Variants in HDGFL3 observed in about 807,000 individuals in gnomAD.
HDGFL3 encodes HDGF like 3, also known as hepatoma-derived growth factor-related protein 3.
HDGFL3 carries 6 observed loss-of-function variants against 27.6 expected under a neutral mutation model. That is an observed-to-expected ratio of 0.22 (90% confidence interval 0.12 to 0.43). HDGFL3 has a LOEUF of 0.43. HDGFL3 is among the 20% of genes least tolerant of loss of function. The probability of loss-of-function intolerance (pLI) is 1.00; values close to 1 mark genes in which losing one functional copy is unlikely to be tolerated. For synonymous variants in HDGFL3, 88 were observed against 88.9 expected, an observed-to-expected ratio of 0.99 and a Z score of 0.05; for missense variants, 207 against 250.1, an observed-to-expected ratio of 0.83 and a Z score of 1.16.
chr15:83,157,033 T>C (rs188203733), intron 4 of HDGFL3, among the ~76,000 whole-genome samples: 7 of 152,200 alleles, frequency 4.6e-5, no homozygotes, highest in Admixed American at 6.5e-5. Flanking sequence ...TTAAGTTACA[T>C]GTGATGCATT....
At chr15:83,112,961 A>G (rs1458221398) in exon 4 of HDGFL3, 5 of 1,332,662 alleles carry the variant, frequency 3.8e-6, no homozygotes, top group Non-Finnish European at 5.4e-6. Context: ...TTTCAGCCTC[A>G]GTCACATATT....
intron 1 of HDGFL3, among the ~76,000 whole-genome samples, chr15:83,170,914 G>C (rs1245130781): frequency 1.3e-5 from 2 of 149,218 alleles, no homozygotes; most frequent in African/African-American, 4.9e-5. Context: ...TTAAAAAATG[G>C]GCAAAATATA....
Position 83,151,350 on chromosome 15 carries a change from T to C in HDGFL3, c.471A>G (p.Lys157=). The C allele has an allele frequency of 6.2e-7, 1 of 1,608,770 alleles. No homozygotes were observed. The highest frequency in any genetic ancestry group is 8.5e-7 in the Non-Finnish European group (1 of 1,178,400). Residue 157 remains lysine (K), a synonymous_variant, in exon 5 of 6, where the codon AAA becomes AAG. Coordinates refer to ENST00000299633, the MANE Select transcript of HDGFL3 (RefSeq NM_016073.4). The stretch of plus-strand genomic sequence containing the variant: ...CATCTCCTGGAGATTTCCGGGACTG[T>C]TTAGAGGATTTCTAAATGTTTAGAC... ...KKSYTSKKSS[K]QSRKSPGDED...
At chr15:83,116,853 C>G (rs917172410) in intron 3 of HDGFL3, among the ~76,000 whole-genome samples, 6 of 152,152 alleles carry the variant, frequency 3.9e-5, no homozygotes, top group Non-Finnish European at 8.8e-5. Context: ...TGTCCTGATT[C>G]CTGCTTTGGA....
At position 83,128,361 on chromosome 15, in the gene HDGFL3, T is replaced by C. The variant is rs2035952544; in HGVS notation, c.*10909A>G. The C allele has an allele frequency of 6.6e-6, 1 of 152,210 alleles. No individual in the cohort carries two copies. Among genetic ancestry groups the C allele is most frequent in the South Asian group, 2.1e-4 (1 of 4,834 alleles). 9.4% of individuals were successfully genotyped at this position (152,210 alleles called of 1,614,324 possible). On this transcript the variant is annotated 3_prime_UTR_variant, in exon 6 of 6. Transcript: ENST00000299633. ...GTAATTCTTAATTATAAAATTAGCA[T>C]AGTAGTATCGAAAAAGTTGATGTAG...
chr15:83,178,013 G>A (rs2037334088), intron 1 of HDGFL3, among the ~76,000 whole-genome samples: 2 of 152,248 alleles, frequency 1.3e-5, no homozygotes, highest in East Asian at 1.9e-4. Flanking sequence ...TCAAGTATCT[G>A]GGTTTCTTTC....
At chr15:83,126,970 A>C (rs2035815113), downstream of HDGFL3, 1 of 716,384 alleles carries the variant, frequency 1.4e-6, no homozygotes, top group Non-Finnish European at 2.3e-6. Flanking sequence ...AGGCAGGTTG[A>C]TCACGAGGTC....
At position 83,132,452 on chromosome 15, in the gene HDGFL3, C is replaced by CT. The variant is rs541195581; in HGVS notation, c.*6817dup. ...CAGTCAGGTGCTGCCCTCAGACTCT[C>CT]TAACTCCCTGGCTATGTAGGTGCTA... On this transcript the variant is annotated 3_prime_UTR_variant, in exon 6 of 6. Transcript: ENST00000299633. 6.6e-4 allele frequency: 101 copies of CT among 152,334 alleles called. 1 individual carries two copies. The highest frequency in any genetic ancestry group is 2.3e-3 in the African/African-American group (94 of 41,574). 9.4% of individuals were successfully genotyped at this position (152,334 alleles called of 1,614,324 possible).
At chr15:83,121,145 G>A (rs1338888455) in intron 3 of HDGFL3, among the ~76,000 whole-genome samples, 4 of 150,182 alleles carry the variant, frequency 2.7e-5, no homozygotes, top group East Asian at 4.0e-4. Flanking sequence ...ATCTTGGCTC[G>A]CTGTAACCTC....
At chr15:83,163,723 T>C in intron 2 of HDGFL3, 1 of 375,742 alleles carries the variant, frequency 2.7e-6, no homozygotes, top group Middle Eastern at 7.8e-4. Flanking sequence ...CAGAAACCAC[T>C]CTAGGACTTA....
chr15:83,160,379 G>C (rs1431560758), intron 2 of HDGFL3, among the ~76,000 whole-genome samples: 1 of 152,046 alleles, frequency 6.6e-6, no homozygotes, highest in African/African-American at 2.4e-5. Flanking sequence ...TAGAGACGGG[G>C]TTTCACCATG....
At chr15:83,120,528 A>G (rs983569677) in intron 3 of HDGFL3, among the ~76,000 whole-genome samples, 2 of 148,616 alleles carry the variant, frequency 1.3e-5, no homozygotes, top group Non-Finnish European at 3.0e-5. Context: ...GTTGAAATGT[A>G]GTTTACCCAA....
At chr15:83,167,528 C>T (rs142130591) in intron 1 of HDGFL3, among the ~76,000 whole-genome samples, 1 of 150,834 alleles carries the variant, frequency 6.6e-6, no homozygotes, top group East Asian at 2.0e-4. Flanking sequence ...ACTGCACCTC[C>T]AGGCCTGGGT....
chr15:83,158,939 GT>G (rs1567169322), intron 2 of HDGFL3, among the ~76,000 whole-genome samples: 2 of 151,950 alleles, frequency 1.3e-5, no homozygotes, highest in Admixed American at 6.6e-5. Flanking sequence ...CATCTCCCGG[GT>G]TCAAGGGATT....
rs2035966416 is a variant in HDGFL3 at position 83,128,513 on chromosome 15, G to C, written c.*10757C>G. On this transcript the variant is annotated 3_prime_UTR_variant, in exon 6 of 6. Transcript: ENST00000299633. Reference sequence around the variant, plus strand: ...TAAATACCTGATTCCTCAGTCCTTGGGGTTTATTTCTGTATTTTAGGTCTT... The same window carrying C: ...TAAATACCTGATTCCTCAGTCCTTGCGGTTTATTTCTGTATTTTAGGTCTT... 1 of 152,058 alleles carries C rather than the reference G, an allele frequency of 6.6e-6. No individual in the cohort carries two copies. The highest frequency in any genetic ancestry group is 6.6e-5 in the Admixed American group (1 of 15,256). The allele number at this position is 152,058 out of a possible 1,614,324, so 9.4% of individuals were successfully genotyped here.
intron 4 of HDGFL3, among the ~76,000 whole-genome samples, chr15:83,154,718 T>C (rs940582022): frequency 1.3e-5 from 2 of 152,200 alleles, no homozygotes; most frequent in Non-Finnish European, 2.9e-5. Context: ...TTTGTTCTCC[T>C]AGTAAATACA....
chr15:83,193,206 C>A lies in HDGFL3; in HGVS notation c.84+14125G>T, dbSNP rs541662728. Among the ~76,000 whole-genome samples the A allele has an allele frequency of 1.0e-3, 159 of 152,244 alleles. 1 individual carries two copies. Among genetic ancestry groups the A allele is most frequent in the African/African-American group, 3.8e-3 (157 of 41,538 alleles). Reference sequence around the variant, plus strand: ...ATAGATCTCCTAAGAAGCTAACAACCAGAACATATGATTAAGTCCTACAAC... The same window carrying A: ...ATAGATCTCCTAAGAAGCTAACAACAAGAACATATGATTAAGTCCTACAAC... On this transcript the variant is annotated intron_variant, in intron 1 of 5. Transcript: ENST00000299633.
At position 83,151,439 on chromosome 15, in the gene HDGFL3, G is replaced by A. The variant is rs942606128; in HGVS notation, c.460-78C>T. The stretch of plus-strand genomic sequence containing the variant: ...ACAAGTAAGAGATGCAGAAATAGCT[G>A]ACTTGCATCTATCTAGTTTTAGTGG... On this transcript the variant is annotated intron_variant, in intron 4 of 5. Coordinates refer to ENST00000299633, the MANE Select transcript of HDGFL3 (RefSeq NM_016073.4). The A allele has an allele frequency of 2.0e-5, 24 of 1,228,134 alleles. No individual in the cohort carries two copies. In the African/African-American group the frequency reaches 2.9e-4, roughly 15 times the overall value. 76.1% of individuals were successfully genotyped at this position (1,228,134 alleles called of 1,614,324 possible). A position where few individuals can be genotyped will look rare whatever the true frequency, so the allele number is the denominator to read the frequency against.
intron 1 of HDGFL3, among the ~76,000 whole-genome samples, chr15:83,178,685 C>G (rs2037343825): frequency 6.6e-6 from 1 of 152,130 alleles, no homozygotes. Context: ...AAAAGTTCCT[C>G]ACTTCTCATA....
Sources: gnomAD v4.1 joint callset for allele counts (sites outside exome capture counted in the v4.1 genomes callset) on GRCh38, gnomAD v4.1.1 for gene constraint, MANE v1.5 for transcripts, NCBI Gene and HGNC (gene_info 2026-07-23, HGNC 2026-07-21) for gene names.